The following ANKRD13D variants were observed in gnomAD, a reference collection of about 807,000 sequenced individuals.
ANKRD13D encodes the protein ankyrin repeat domain 13D, also known as ankyrin repeat domain-containing protein 13D.
Under a neutral mutation model 68.8 loss-of-function variants are expected in ANKRD13D, and 24 were observed. That is an observed-to-expected ratio of 0.35 (90% CI 0.25 to 0.49). The LOEUF (loss-of-function observed/expected upper bound fraction) is 0.49. Ranked by LOEUF, ANKRD13D falls within the 20% of genes least tolerant of loss-of-function variation. ANKRD13D has a pLI of 0.99. For missense variants in ANKRD13D, 735 were observed against 832.1 expected (o/e 0.88, Z 1.44); for synonymous variants, 331 against 336.1 (o/e 0.98, Z 0.16).
chr11:67,299,870 G>A lies in ANKRD13D; in HGVS notation c.924G>A (p.Gln308=). 1 of 1,543,406 alleles carries A rather than the reference G, an allele frequency of 6.5e-7. No homozygotes were observed. The highest frequency in any genetic ancestry group is 8.7e-7 in the Non-Finnish European group (1 of 1,143,986). The part of the protein sequence containing the change: ...PFQSFLGMAQ[Q]HSSHTGAPVQ... ...AGTCCTTCCTGGGGATGGCGCAGCA[G>A]CATTCCTCCCACACCGGGGTGAGCC... is the stretch of plus-strand genomic sequence containing the variant. Residue 308 remains glutamine, a synonymous_variant, in exon 9 of 15, where the codon CAG becomes CAA. Transcript: ENST00000511455. The surrounding 1 kb of genome is among the most constrained non-coding windows in gnomAD (Gnocchi z 6.2).
At chr11:67,302,017 G>A (rs551311172) in intron 14 of ANKRD13D, 102 bp from the exon 15 acceptor site, 7 of 1,416,290 alleles carry the variant, frequency 4.9e-6, no homozygotes, top group South Asian at 2.9e-5. Flanking sequence ...TTGCCACCCT[G>A]TCTTTGCCTT....
rs1177947141 is a variant in ANKRD13D, at chr11:67,301,051, C to T, written c.1135C>T (p.Pro379Ser). ...GCTCTCCCTGGGTGACCAGGTGACC[C>T]CCATCATCGACCTAATGGCCATCAG... ...HPLSLGDQVTPIIDLMAISNA... is the reference protein window; with the variant it reads ...HPLSLGDQVTSIIDLMAISNA... The change falls in exon 11 of 15, where the codon CCC becomes TCC. Residue 379 changes from proline (P) to serine (S), a missense_variant. Transcript: ENST00000511455. This position sits in a 1 kb window ranked among gnomAD's most constrained non-coding sequence, Gnocchi z 4.5. 2.5e-6 allele frequency: 4 copies of T among 1,614,030 alleles called. No individual in the cohort carries two copies. The highest frequency in any genetic ancestry group is 2.2e-5 in the South Asian group (2 of 91,090).
In ANKRD13D at chr11:67,299,759, G is replaced by A; in HGVS notation, c.881-68G>A. On this transcript the variant is annotated intron_variant, in intron 8 of 14. Coordinates refer to ENST00000511455, the MANE Select transcript of ANKRD13D (RefSeq NM_207354.3). This position sits in a 1 kb window ranked among gnomAD's most constrained non-coding sequence, Gnocchi z 6.2. The stretch of plus-strand genomic sequence containing the variant: ...CTCTTCCCCCAGACAGTAGGCTCCA[G>A]GGGTGGAGGTGGGCAGGGGCGATGC... 6.5e-7 allele frequency: 1 copy of A among 1,535,372 alleles called. No individual in the cohort carries two copies. Among genetic ancestry groups the A allele is most frequent in the Non-Finnish European group, 8.8e-7 (1 of 1,138,786 alleles).
rs1590874592 is a variant in ANKRD13D at position 67,300,516 on chromosome 11, C to G, written c.1073+393C>G. On this transcript the variant is annotated intron_variant, in intron 10 of 14. Transcript: ENST00000511455. This position sits in a 1 kb window ranked among gnomAD's most constrained non-coding sequence, Gnocchi z 4.3. ...CTTGAGCAGGTATAGGCGGTAACAG[C>G]AGGCACAGTGCCTGCACAAGCCTAG... is the stretch of plus-strand genomic sequence containing the variant. 3.1e-6 allele frequency: 1 copy of G among 325,834 alleles called. No homozygotes were observed. The highest frequency in any genetic ancestry group is 5.7e-6 in the Non-Finnish European group (1 of 176,310). The allele number at this position is 325,834 out of a possible 1,614,324, so 20.2% of individuals were successfully genotyped here.
At chr11:67,292,238 T>C in intron 6 of ANKRD13D, 58 bp downstream of exon 6, 1 of 1,518,334 alleles carries the variant, frequency 6.6e-7, no homozygotes, top group Non-Finnish European at 8.9e-7. Context: ...AGAGCCACCA[T>C]TAATGAGGGC....
chr11:67,300,766 G>A lies in ANKRD13D; in HGVS notation c.1074-224G>A, dbSNP rs895639857. 5 of 597,158 alleles carry A rather than the reference G, an allele frequency of 8.4e-6. No individual in the cohort carries two copies. Among genetic ancestry groups the A allele is most frequent in the African/African-American group, 3.7e-5 (2 of 53,718 alleles). 37.0% of individuals were successfully genotyped at this position (597,158 alleles called of 1,614,324 possible). ...TTGTCCAGACCAGATGAGCTGGTAC[G>A]AAATCCTCAGGAGCCCCAGCCTGGG... On this transcript the variant is annotated intron_variant, in intron 10 of 14. Coordinates refer to ENST00000511455, the MANE Select transcript of ANKRD13D (RefSeq NM_207354.3). The surrounding 1 kb of genome is among the most constrained non-coding windows in gnomAD (Gnocchi z 4.3).
Position 67,289,474 on chromosome 11 carries a change from G to T in ANKRD13D, c.14G>T (p.Gly5Val). The change falls in exon 1 of 15, where the codon GGC becomes GTC. Residue 5 changes from glycine (G) to valine (V), a missense_variant. Physicochemically the swap from Gly to Val is moderately radical, Grantham distance 109 (BLOSUM62 -3). Transcript: ENST00000511455. MAGP[G>V]PTFPLHRLVW... Reference sequence around the variant, plus strand: ...CTGAGGCCCAGCATGGCCGGCCCGGGCCCCACCTTCCCGCTGCACCGGCTC... The same window carrying T: ...CTGAGGCCCAGCATGGCCGGCCCGGTCCCCACCTTCCCGCTGCACCGGCTC... 6.6e-7 allele frequency: 1 copy of T among 1,507,574 alleles called. No individual in the cohort carries two copies. The highest frequency in any genetic ancestry group is 8.8e-7 in the Non-Finnish European group (1 of 1,135,904). The allele number at this position is 1,507,574 out of a possible 1,614,324, so 93.4% of individuals were successfully genotyped here.
At chr11:67,291,882 GA>G (rs1860571208) in intron 5 of ANKRD13D, 108 bp from the exon 6 acceptor site, 3 of 1,504,824 alleles carry the variant, frequency 2.0e-6, no homozygotes, top group Non-Finnish European at 2.7e-6. Flanking sequence ...CAGGGGCCAA[GA>G]CTGACCCACT....
At chr11:67,290,902 G>C (rs1247637068) in intron 3 of ANKRD13D, 1 of 176,128 alleles carries the variant, frequency 5.7e-6, no homozygotes, top group East Asian at 1.6e-4. Context: ...GGAAACAAAG[G>C]CTCCCCCAGG....
At position 67,301,095 on chromosome 11, in the gene ANKRD13D, G is replaced by A; in HGVS notation, c.1179G>A (p.Lys393=). 2.5e-6 allele frequency: 4 copies of A among 1,614,082 alleles called. No homozygotes were observed. The highest frequency in any genetic ancestry group is 3.4e-6 in the Non-Finnish European group (4 of 1,180,022). Residue 393 remains lysine (K), a synonymous_variant, in exon 11 of 15, where the codon AAG becomes AAA. Coordinates refer to ENST00000511455, the MANE Select transcript of ANKRD13D (RefSeq NM_207354.3). This position sits in a 1 kb window ranked among gnomAD's most constrained non-coding sequence, Gnocchi z 4.5. ...LMAISNAHFA[K]LRDFITLRLP... ...CCATCAGCAACGCTCACTTTGCCAA[G>A]CTGCGCGACTTCATCACTCTGCGCC...
intron 6 of ANKRD13D, among the ~76,000 whole-genome samples, chr11:67,292,999 T>G (rs933090844): frequency 3.3e-5 from 5 of 152,236 alleles, no homozygotes; most frequent in African/African-American, 1.2e-4. Flanking sequence ...TTCTTTCCTT[T>G]TTGTGGCCAT....
Position 67,300,085 on chromosome 11 carries a change from C to T in ANKRD13D, c.1035C>T (p.Asn345=). The part of the protein sequence containing the change: ...FDPNFSLESR[N]IGRPIEMSSK... The stretch of plus-strand genomic sequence containing the variant: ...CCAACTTCAGCCTGGAGTCACGGAA[C>T]ATTGGCCGCCCCATCGAGATGTCCA... The change falls in exon 10 of 15, where the codon AAC becomes AAT. Residue 345 remains asparagine (N), a synonymous_variant. Coordinates refer to ENST00000511455, the MANE Select transcript of ANKRD13D (RefSeq NM_207354.3). The surrounding 1 kb of genome is among the most constrained non-coding windows in gnomAD (Gnocchi z 4.3). The T allele has an allele frequency of 6.2e-7, 1 of 1,614,114 alleles. No homozygotes were observed. The highest frequency in any genetic ancestry group is 8.5e-7 in the Non-Finnish European group (1 of 1,179,974).
At position 67,300,391 on chromosome 11, in the gene ANKRD13D, C is replaced by T. The variant is rs1860932810; in HGVS notation, c.1073+268C>T. On this transcript the variant is annotated intron_variant, in intron 10 of 14. Transcript: ENST00000511455. This position sits in a 1 kb window ranked among gnomAD's most constrained non-coding sequence, Gnocchi z 4.3. ...TGAATTTCATGAGTACCTGCTGGGG[C>T]CAGCGTGGCACAGTGGGAAGGGCCC... 2.1e-6 allele frequency: 1 copy of T among 472,530 alleles called. No individual in the cohort carries two copies. The highest frequency in any genetic ancestry group is 3.8e-6 in the Non-Finnish European group (1 of 265,760). 29.3% of individuals were successfully genotyped at this position (472,530 alleles called of 1,614,324 possible).
intron 3 of ANKRD13D, 84 bp downstream of exon 3, chr11:67,290,530 C>T (rs1436063421): frequency 2.0e-6 from 3 of 1,484,674 alleles, no homozygotes; most frequent in Non-Finnish European, 2.7e-6. Flanking sequence ...CTTGGAAAGG[C>T]ACCCAGTTTG....
rs1180883214 is a variant in ANKRD13D at position 67,301,970 on chromosome 11, G to A, written c.1604+147G>A. On this transcript the variant is annotated intron_variant, in intron 14 of 14. Coordinates refer to ENST00000511455, the MANE Select transcript of ANKRD13D (RefSeq NM_207354.3). This position sits in a 1 kb window ranked among gnomAD's most constrained non-coding sequence, Gnocchi z 4.5. ...CTATCTGCCACCAAAGGTGGTGTGA[G>A]GGGTGGGGAAGCAGGGCCCTGCCTT... 8 of 1,336,716 alleles carry A rather than the reference G, an allele frequency of 6.0e-6. No individual in the cohort carries two copies. The highest frequency in any genetic ancestry group is 4.5e-5 in the South Asian group (3 of 66,740). The allele number at this position is 1,336,716 out of a possible 1,614,324, so 82.8% of individuals were successfully genotyped here. A position where few individuals can be genotyped will look rare whatever the true frequency, so the allele number is the denominator to read the frequency against.
At chr11:67,297,422 T>C (rs1485807051) in intron 6 of ANKRD13D, among the ~76,000 whole-genome samples, 2 of 152,146 alleles carry the variant, frequency 1.3e-5, no homozygotes, top group East Asian at 1.9e-4. Context: ...CTCGAACTCC[T>C]GTGCTCAAGC....
chr11:67,295,329 A>G (rs1860718808), intron 6 of ANKRD13D, among the ~76,000 whole-genome samples: 1 of 151,932 alleles, frequency 6.6e-6, no homozygotes, highest in South Asian at 2.1e-4. Context: ...AGGCAGGAGA[A>G]TGGTGTGAAC....
chr11:67,296,809 A>G (rs2050257240), intron 6 of ANKRD13D, among the ~76,000 whole-genome samples: 1 of 151,912 alleles, frequency 6.6e-6, no homozygotes, highest in South Asian at 2.1e-4. Context: ...TTTTGTAGAG[A>G]TGTGGTCTCA....
At position 67,299,847 on chromosome 11, in the gene ANKRD13D, T is replaced by G; in HGVS notation, c.901T>G (p.Ser301Ala). 1 of 1,536,466 alleles carries G rather than the reference T, an allele frequency of 6.5e-7. No individual in the cohort carries two copies. The highest frequency in any genetic ancestry group is 8.8e-7 in the Non-Finnish European group (1 of 1,141,062). ...RSKAGKTPFQ[S>A]FLGMAQQHSS... ...CGTAGCGGGGAAGACTCCATTCCAG[T>G]CCTTCCTGGGGATGGCGCAGCAGCA... The change falls in exon 9 of 15, where the codon TCC becomes GCC. Residue 301 changes from serine (S) to alanine (A), a missense_variant. By Grantham distance (99) the Ser-to-Ala change is moderately conservative (BLOSUM62 1). Coordinates refer to ENST00000511455, the MANE Select transcript of ANKRD13D (RefSeq NM_207354.3). The surrounding 1 kb of genome is among the most constrained non-coding windows in gnomAD (Gnocchi z 6.2).
Sources: allele counts gnomAD v4.1 joint callset (sites outside exome capture counted in the v4.1 genomes callset), GRCh38; gene constraint gnomAD v4.1.1; non-coding constraint Gnocchi (gnomAD v3.1); transcripts MANE v1.5; gene names NCBI Gene and HGNC (gene_info 2026-07-23, HGNC 2026-07-21).